NCK2: variants seen among roughly 807,000 people sequenced by gnomAD.
NCK2 encodes the protein NCK adaptor protein 2, also known as cytoplasmic protein NCK2.
NCK2 carries 16 observed loss-of-function variants against 33.9 expected under a neutral mutation model. The observed-to-expected ratio is 0.47, with a 90% CI of 0.32 to 0.72. The LOEUF is 0.72. Among genes scored for constraint, NCK2 ranks in the 30% least tolerant of loss-of-function variants. The pLI is 0.03. For missense variants in NCK2, 418 were observed against 537.3 expected (o/e 0.78, Z 2.19); for synonymous variants, 273 against 239.9 (o/e 1.14, Z -1.27).
At chr2:105,764,793 T>C (rs1332969400) in intron 1 of NCK2, among the ~76,000 whole-genome samples, 1 of 152,230 alleles carries the variant, frequency 6.6e-6, no homozygotes, top group Non-Finnish European at 1.5e-5. Flanking sequence ...AGCTCATCCT[T>C]GTAAGTATTT....
intron 1 of NCK2, among the ~76,000 whole-genome samples, chr2:105,796,445 T>A (rs751109991): frequency 2.6e-5 from 4 of 152,106 alleles, no homozygotes; most frequent in Non-Finnish European, 5.9e-5. Flanking sequence ...GTTTTAAGGG[T>A]CATGTATGTA....
intron 2 of NCK2, among the ~76,000 whole-genome samples, chr2:105,831,510 G>A (rs1676187302): frequency 6.6e-6 from 1 of 151,110 alleles, no homozygotes; most frequent in Admixed American, 6.6e-5. Flanking sequence ...TCTTCTAGTA[G>A]GTTTATAGTT....
At chr2:105,765,081 A>G (rs1689896736) in intron 1 of NCK2, among the ~76,000 whole-genome samples, 2 of 151,696 alleles carry the variant, frequency 1.3e-5, no homozygotes, top group Non-Finnish European at 2.9e-5. Context: ...TGGTATGGAC[A>G]TCTTTATGGC....
intron 2 of NCK2, among the ~76,000 whole-genome samples, chr2:105,824,389 CA>C (rs1675865841): frequency 6.6e-6 from 1 of 152,156 alleles, no homozygotes; most frequent in South Asian, 2.1e-4. Context: ...TGATCTTACC[CA>C]GAGGTTATGT....
chr2:105,745,923 A>G (rs1304312532), intron 1 of NCK2: 1 of 152,176 alleles, frequency 6.6e-6, no homozygotes, highest in Non-Finnish European at 1.5e-5. Context: ...CTGCCTTATG[A>G]GCACAGTTAG....
At chr2:105,878,182 A>C (rs759182226) in intron 3 of NCK2, among the ~76,000 whole-genome samples, 14 of 152,254 alleles carry the variant, frequency 9.2e-5, no homozygotes, top group Non-Finnish European at 2.1e-4. Flanking sequence ...AGAAAGCCAC[A>C]GCTTAGTTAA....
Position 105,893,984 on chromosome 2 carries a change from TACACACACACACGTGCAC to T in NCK2, c.*821_*838del, listed in dbSNP as rs1679104851. ...GGGGAAGGGAGCTACCAACACTTTA[TACACACACACACGTGCAC>T]ACACACACACACACACACTATATAT... is the stretch of plus-strand genomic sequence containing the variant. On this transcript the variant is annotated 3_prime_UTR_variant, in exon 5 of 5. Coordinates refer to ENST00000233154, the MANE Select transcript of NCK2 (RefSeq NM_003581.5). 1 of 132,342 alleles carries T rather than the reference TACACACACACACGTGCAC, an allele frequency of 7.6e-6. No individual in the cohort carries two copies. The highest frequency in any genetic ancestry group is 1.6e-5 in the Non-Finnish European group (1 of 63,874). 8.2% of individuals were successfully genotyped at this position (132,342 alleles called of 1,614,324 possible).
At chr2:105,767,225 C>T (rs183096729) in intron 1 of NCK2, among the ~76,000 whole-genome samples, 1 of 152,306 alleles carries the variant, frequency 6.6e-6, no homozygotes, top group African/African-American at 2.4e-5. Context: ...GTCACACATA[C>T]ATGTCATGTC....
intron 2 of NCK2, among the ~76,000 whole-genome samples, chr2:105,835,738 C>T (rs1045810864): frequency 1.3e-5 from 2 of 151,912 alleles, no homozygotes; most frequent in African/African-American, 2.4e-5. Flanking sequence ...CTCCATCTCT[C>T]CTCCATTTAG....
chr2:105,833,497 A>G (rs1676276499), intron 2 of NCK2, among the ~76,000 whole-genome samples: 1 of 152,004 alleles, frequency 6.6e-6, no homozygotes, highest in Admixed American at 6.5e-5. Context: ...TGTTCATATT[A>G]GTCTCTAATG....
At chr2:105,754,163 C>T (rs1689537483) in intron 1 of NCK2, among the ~76,000 whole-genome samples, 1 of 152,216 alleles carries the variant, frequency 6.6e-6, no homozygotes, top group South Asian at 2.1e-4. Context: ...TTTCTTTCAA[C>T]TCACAGGTTT....
intron 4 of NCK2, among the ~76,000 whole-genome samples, chr2:105,888,111 A>C (rs1274202050): frequency 1.3e-5 from 2 of 152,220 alleles, no homozygotes; most frequent in African/African-American, 2.4e-5. Context: ...AAACAAAAAT[A>C]ATGATGATAG....
At chr2:105,748,857 T>C (rs1573547370) in intron 1 of NCK2, among the ~76,000 whole-genome samples, 2 of 152,172 alleles carry the variant, frequency 1.3e-5, no homozygotes, top group East Asian at 1.9e-4. Context: ...CCTGTTAATA[T>C]TGGGGCTCTA....
intron 2 of NCK2, among the ~76,000 whole-genome samples, chr2:105,826,005 G>A (rs1675925433): frequency 6.6e-6 from 1 of 152,136 alleles, no homozygotes; most frequent in South Asian, 2.1e-4. Context: ...TGCTAGGATG[G>A]TCTACATCCC....
chr2:105,816,029 C>G (rs1276154444), intron 1 of NCK2, among the ~76,000 whole-genome samples: 1 of 151,710 alleles, frequency 6.6e-6, no homozygotes. Flanking sequence ...CTCCCCAACC[C>G]GAGTGTCGGA....
intron 3 of NCK2, among the ~76,000 whole-genome samples, chr2:105,866,564 G>A (rs1366139521): frequency 1.3e-5 from 2 of 152,220 alleles, no homozygotes; most frequent in East Asian, 1.9e-4. Flanking sequence ...CTCAAAAGGA[G>A]CTCACAAGCT....
At chr2:105,872,085 G>A (rs1250154784) in intron 3 of NCK2, among the ~76,000 whole-genome samples, 1 of 152,226 alleles carries the variant, frequency 6.6e-6, no homozygotes, top group Non-Finnish European at 1.5e-5. Flanking sequence ...AGTTCTTAAT[G>A]GTGAGATTAT....
intron 1 of NCK2, among the ~76,000 whole-genome samples, chr2:105,804,936 G>A (rs1413105417): frequency 1.3e-5 from 2 of 152,192 alleles, no homozygotes; most frequent in Admixed American, 6.5e-5. Flanking sequence ...CAGGGTACTG[G>A]ATAGTCACAG....
intron 3 of NCK2, among the ~76,000 whole-genome samples, chr2:105,868,966 C>T (rs1354212434): frequency 6.6e-6 from 1 of 152,202 alleles, no homozygotes; most frequent in Non-Finnish European, 1.5e-5. Context: ...CAAGGCCCTT[C>T]TCCAAAGCAC....
Sources: gnomAD v4.1 joint callset for allele counts (sites outside exome capture counted in the v4.1 genomes callset) on GRCh38, gnomAD v4.1.1 for gene constraint, MANE v1.5 for transcripts, NCBI Gene and HGNC (gene_info 2026-07-23, HGNC 2026-07-21) for gene names.